The following PITPNC1 variants were observed in gnomAD, a reference collection of about 807,000 sequenced individuals.
PITPNC1 encodes the protein cytoplasmic phosphatidylinositol transfer protein 1.
Under a neutral mutation model 44.7 loss-of-function variants are expected in PITPNC1, and 18 were observed. The ratio of observed to expected loss-of-function variants is 0.40; its 90% CI spans 0.28 to 0.60. PITPNC1 has a LOEUF of 0.60. PITPNC1 is among the 20% of genes least tolerant of loss of function. The probability of loss-of-function intolerance (pLI) is 0.39; values close to 1 mark genes in which losing one functional copy is unlikely to be tolerated. For synonymous variants in PITPNC1, 141 were observed against 149.6 expected, an observed-to-expected ratio of 0.94 and a Z score of 0.42; for missense variants, 290 against 418.4, an observed-to-expected ratio of 0.69 and a Z score of 2.68.
chr17:67,510,456 C>T (rs1338296673), intron 1 of PITPNC1, among the ~76,000 whole-genome samples: 1 of 152,238 alleles, frequency 6.6e-6, no homozygotes, highest in Non-Finnish European at 1.5e-5. Flanking sequence ...GACCCCTGGG[C>T]TGGCTTTTGC....
intron 1 of PITPNC1, among the ~76,000 whole-genome samples, chr17:67,411,859 C>T (rs1209051887): frequency 6.6e-6 from 1 of 152,082 alleles, no homozygotes; most frequent in Non-Finnish European, 1.5e-5. Flanking sequence ...TGTTACTGTT[C>T]CTGTGTTACA....
At chr17:67,479,947 G>A (rs2039681219) in intron 1 of PITPNC1, among the ~76,000 whole-genome samples, 1 of 152,096 alleles carries the variant, frequency 6.6e-6, no homozygotes, top group Admixed American at 6.6e-5. Flanking sequence ...AGATGTCAGC[G>A]GATTCAAAAT....
chr17:67,451,862 T>C (rs1423646298), intron 1 of PITPNC1, among the ~76,000 whole-genome samples: 4 of 151,984 alleles, frequency 2.6e-5, no homozygotes, highest in African/African-American at 7.2e-5. Flanking sequence ...GGTCTCAATC[T>C]CCTGACCTCG....
At chr17:67,567,267 T>G (rs1409490406) in intron 4 of PITPNC1, among the ~76,000 whole-genome samples, 1 of 150,702 alleles carries the variant, frequency 6.6e-6, no homozygotes, top group Non-Finnish European at 1.5e-5. Flanking sequence ...AGGCGGATCA[T>G]GAGGTCAGGA....
At chr17:67,621,514 A>G (rs1404751064) in intron 5 of PITPNC1, among the ~76,000 whole-genome samples, 1 of 152,052 alleles carries the variant, frequency 6.6e-6, no homozygotes, top group Non-Finnish European at 1.5e-5. Context: ...GGCCTGAAAC[A>G]TATCTTTTAG....
At chr17:67,560,997 A>T (rs566085175) in intron 4 of PITPNC1, among the ~76,000 whole-genome samples, 191 of 152,208 alleles carry the variant, frequency 1.3e-3, no homozygotes, top group African/African-American at 4.5e-3. Context: ...GTACTGAAAA[A>T]TTTGATTTCC....
intron 1 of PITPNC1, among the ~76,000 whole-genome samples, chr17:67,487,418 A>G (rs1449660938): frequency 6.6e-6 from 1 of 151,896 alleles, no homozygotes; most frequent in African/African-American, 2.4e-5. Context: ...CAAACGATCC[A>G]CCCACCTCGG....
At chr17:67,470,269 A>G (rs1214556885) in intron 1 of PITPNC1, among the ~76,000 whole-genome samples, 3 of 152,212 alleles carry the variant, frequency 2.0e-5, no homozygotes, top group Non-Finnish European at 4.4e-5. Context: ...TTAAGTGTAC[A>G]GCTTGATGAG....
intron 1 of PITPNC1, among the ~76,000 whole-genome samples, chr17:67,387,710 A>G (rs1164834102): frequency 6.6e-6 from 1 of 152,122 alleles, no homozygotes; most frequent in Non-Finnish European, 1.5e-5. Flanking sequence ...TATTCTCGCT[A>G]TTTATATCCT....
intron 1 of PITPNC1, among the ~76,000 whole-genome samples, chr17:67,380,386 TC>T (rs1012371828): frequency 2.0e-5 from 3 of 152,154 alleles, no homozygotes; most frequent in Admixed American, 2.0e-4. Context: ...GCCCTTCCTT[TC>T]TTAATTGGCC....
At chr17:67,595,790 G>C (rs2067538393) in intron 5 of PITPNC1, among the ~76,000 whole-genome samples, 1 of 151,964 alleles carries the variant, frequency 6.6e-6, no homozygotes, top group African/African-American at 2.4e-5. Context: ...ATGGCCATTT[G>C]GTACATAAAT....
At chr17:67,584,914 A>C (rs2041291410) in intron 5 of PITPNC1, among the ~76,000 whole-genome samples, 1 of 152,138 alleles carries the variant, frequency 6.6e-6, no homozygotes, top group African/African-American at 2.4e-5. Context: ...CGGGAGTTCG[A>C]GATCAGCCTG....
intron 4 of PITPNC1, among the ~76,000 whole-genome samples, chr17:67,555,269 T>C (rs1425512391): frequency 1.3e-5 from 2 of 152,194 alleles, no homozygotes; most frequent in Non-Finnish European, 2.9e-5. Context: ...ACATTGTCTT[T>C]AGAGGGTCAT....
intron 1 of PITPNC1, among the ~76,000 whole-genome samples, chr17:67,425,217 A>G (rs1191949700): frequency 0.12 from 7,390 of 59,334 alleles, 706 homozygotes; most frequent in African/African-American, 0.15. Context: ...ACACACACAC[A>G]CACACACACA....
At chr17:67,386,102 C>CA (rs1381048371) in intron 1 of PITPNC1, among the ~76,000 whole-genome samples, 33 of 152,110 alleles carry the variant, frequency 2.2e-4, no homozygotes, top group African/African-American at 8.0e-4. Flanking sequence ...ACTGATACTC[C>CA]AAAGCAAAGC....
At chr17:67,651,921 G>A (rs1262992367) in intron 6 of PITPNC1, among the ~76,000 whole-genome samples, 1 of 152,146 alleles carries the variant, frequency 6.6e-6, no homozygotes. Flanking sequence ...TTCATTGGAG[G>A]GGAATGAGAA....
rs193281862 is a variant in PITPNC1, at chr17:67,661,761, G to A, written c.463-7747G>A. On this transcript the variant is annotated intron_variant, in intron 6 of 8. Transcript: ENST00000581322. ...CGCCTGTAATCCCAGCACTTTGGGA[G>A]GCCGAGGCAAGCGGATCACGAGGTC... Among the ~76,000 whole-genome samples, 379 of 152,318 alleles carry A rather than the reference G, an allele frequency of 2.5e-3. 2 individuals are homozygous for A. The highest frequency in any genetic ancestry group is 8.6e-3 in the African/African-American group (356 of 41,562).
chr17:67,479,567 TA>T (rs1460384684), intron 1 of PITPNC1, among the ~76,000 whole-genome samples: 9 of 152,204 alleles, frequency 5.9e-5, no homozygotes, highest in African/African-American at 2.2e-4. Flanking sequence ...TCTCAATTAG[TA>T]AGACTTTCTT....
At chr17:67,406,945 T>C (rs891385191) in intron 1 of PITPNC1, among the ~76,000 whole-genome samples, 5 of 152,238 alleles carry the variant, frequency 3.3e-5, no homozygotes, top group African/African-American at 1.2e-4. Flanking sequence ...ACATTTGGGT[T>C]GTTTCCAGTT....
Sources: allele counts gnomAD v4.1 joint callset (sites outside exome capture counted in the v4.1 genomes callset), GRCh38; gene constraint gnomAD v4.1.1; transcripts MANE v1.5; gene names NCBI Gene and HGNC (gene_info 2026-07-23, HGNC 2026-07-21).